PTK2: variants seen among roughly 807,000 people sequenced by gnomAD.
The protein encoded by PTK2 is focal adhesion kinase 1.
A neutral mutation model predicts 150.1 loss-of-function variants in PTK2; 45 were observed. That is an observed-to-expected ratio of 0.30 (90% CI 0.24 to 0.38). The LOEUF (loss-of-function observed/expected upper bound fraction) is 0.38, where lower values mean the gene tolerates loss of function less well. PTK2 is among the 10% of genes least tolerant of loss of function. The probability of loss-of-function intolerance (pLI) is 1.00; values close to 1 mark genes in which losing one functional copy is unlikely to be tolerated. For missense variants in PTK2, 919 were observed against 1,307.3 expected (o/e 0.70, Z 4.58); for synonymous variants, 432 against 449.2 (o/e 0.96, Z 0.48).
intron 5 of PTK2, among the ~76,000 whole-genome samples, chr8:140,862,085 GT>G (rs946666441): frequency 2.6e-5 from 4 of 152,168 alleles, no homozygotes; most frequent in African/African-American, 9.7e-5. Flanking sequence ...CAAAGAAAAA[GT>G]AGGACAACCT....
chr8:140,867,812 T>G (rs2100140229), intron 4 of PTK2, among the ~76,000 whole-genome samples: 1 of 152,202 alleles, frequency 6.6e-6, no homozygotes, highest in African/African-American at 2.4e-5. Context: ...CACACAAAAC[T>G]CTACTGAAAC....
chr8:140,743,778 T>C (rs1227872588), intron 19 of PTK2, among the ~76,000 whole-genome samples: 2 of 151,306 alleles, frequency 1.3e-5, no homozygotes, highest in African/African-American at 2.4e-5. Context: ...AGTTTTTCTT[T>C]TCTTTTTTTT....
intron 14 of PTK2, among the ~76,000 whole-genome samples, chr8:140,773,767 T>C (rs916139337): frequency 2.6e-5 from 4 of 152,178 alleles, no homozygotes; most frequent in African/African-American, 9.7e-5. Flanking sequence ...ATTCAGAATA[T>C]TGTTTCCTTT....
intron 22 of PTK2, among the ~76,000 whole-genome samples, chr8:140,723,555 A>G (rs1345289506): frequency 6.6e-6 from 1 of 152,254 alleles, no homozygotes; most frequent in Non-Finnish European, 1.5e-5. Context: ...AACAAACTAG[A>G]ATGTGCAGAG....
intron 2 of PTK2, among the ~76,000 whole-genome samples, chr8:140,905,135 C>G (rs539433433): frequency 6.6e-6 from 1 of 152,088 alleles, no homozygotes; most frequent in Non-Finnish European, 1.5e-5. Context: ...ACATTTAGTG[C>G]TATAAATTTC....
chr8:140,688,343 A>T (rs1002820070), intron 26 of PTK2, among the ~76,000 whole-genome samples: 1 of 152,130 alleles, frequency 6.6e-6, no homozygotes, highest in Non-Finnish European at 1.5e-5. Flanking sequence ...GCTACTATAT[A>T]AAAAAACATG....
chr8:140,743,588 T>C (rs370592872), intron 19 of PTK2, among the ~76,000 whole-genome samples: 28 of 152,220 alleles, frequency 1.8e-4, no homozygotes, highest in African/African-American at 6.5e-4. Flanking sequence ...AAGTACATTC[T>C]AAAATAATGA....
At chr8:140,805,606 A>AC (rs1438529843) in intron 10 of PTK2, among the ~76,000 whole-genome samples, 1 of 138,734 alleles carries the variant, frequency 7.2e-6, no homozygotes, top group Non-Finnish European at 1.5e-5. Flanking sequence ...TTCCTGAGCC[A>AC]AAAAAAAAAG....
At chr8:140,745,545 T>A (rs943358152) in intron 18 of PTK2, among the ~76,000 whole-genome samples, 1 of 152,212 alleles carries the variant, frequency 6.6e-6, no homozygotes, top group African/African-American at 2.4e-5. Context: ...GTTCAGCTGA[T>A]GAAATCACAC....
In PTK2 at chr8:140,663,033, C is replaced by A. The variant is rs563083394; in HGVS notation, c.2946+1884G>T. 1.4e-5 allele frequency: 5 copies of A among 344,898 alleles called. No individual in the cohort carries two copies. The South Asian group carries it at 6.5e-4, about 45-fold the overall frequency. The allele number at this position is 344,898 out of a possible 1,614,324, so 21.4% of individuals were successfully genotyped here. A position where few individuals can be genotyped will look rare whatever the true frequency, so the allele number is the denominator to read the frequency against. On this transcript the variant is annotated intron_variant, in intron 31 of 31. Coordinates refer to ENST00000522684, the Ensembl canonical transcript of PTK2. Reference sequence around the variant, plus strand: ...AGGCGACGGAAAAGTGCTACAGAGACAACCGACGACCCTGGAACGTGCCCT... The same window carrying A: ...AGGCGACGGAAAAGTGCTACAGAGAAAACCGACGACCCTGGAACGTGCCCT...
intron 10 of PTK2, among the ~76,000 whole-genome samples, chr8:140,817,127 A>C (rs1205666961): frequency 6.6e-6 from 1 of 152,224 alleles, no homozygotes; most frequent in Non-Finnish European, 1.5e-5. Flanking sequence ...TACCAGGTTC[A>C]CAGAGTGAAA....
At chr8:140,681,548 G>C (rs545987316) in intron 27 of PTK2, among the ~76,000 whole-genome samples, 51 of 138,730 alleles carry the variant, frequency 3.7e-4, no homozygotes, top group African/African-American at 1.4e-3. Context: ...GAGGCGGGCA[G>C]GGGGGGATCA....
chr8:140,982,902 T>A (rs781562961), intron 1 of PTK2, among the ~76,000 whole-genome samples: 1 of 152,206 alleles, frequency 6.6e-6, no homozygotes, highest in Non-Finnish European at 1.5e-5. Context: ...ATTGTTTCTG[T>A]ATATGTTTGA....
In PTK2 at chr8:140,915,386, G is replaced by A. The variant is rs541612347; in HGVS notation, c.-33+10275C>T. ...GAGACCAGACCAGATGACACAGCAA[G>A]ACCAAGCCACATACATACATAGGTA... On this transcript the variant is annotated intron_variant, in intron 2 of 31. Transcript: ENST00000522684. Among the ~76,000 whole-genome samples, 11 of 152,172 alleles carry A rather than the reference G, an allele frequency of 7.2e-5. 1 individual carries two copies. In the South Asian group the frequency reaches 2.3e-3, roughly 32 times the overall value.
chr8:141,000,489 C>T (rs895779956), intron 1 of PTK2, among the ~76,000 whole-genome samples: 3 of 152,194 alleles, frequency 2.0e-5, no homozygotes, highest in African/African-American at 7.2e-5. Context: ...GCCGACGTCC[C>T]TGCGATTTCC....
chr8:140,825,881 A>G (rs2100111476), intron 8 of PTK2, among the ~76,000 whole-genome samples: 1 of 152,356 alleles, frequency 6.6e-6, no homozygotes, highest in Non-Finnish European at 1.5e-5. Flanking sequence ...GGTACAGTGA[A>G]TTTTTAAATG....
rs190244086 is a variant in PTK2, at chr8:140,967,872, A to G, written c.-122+33253T>C. 1.8e-4 allele frequency among the ~76,000 whole-genome samples: 28 copies of G among 152,320 alleles called. No individual in the cohort carries two copies. The East Asian group carries it at 5.2e-3, about 28-fold the overall frequency. Reference sequence around the variant, plus strand: ...TTTTCCCTTCTTCTAAACTCAGTCTATCAATAGTTCCTGCACTTAACACAA... The same window carrying G: ...TTTTCCCTTCTTCTAAACTCAGTCTGTCAATAGTTCCTGCACTTAACACAA... On this transcript the variant is annotated intron_variant, in intron 1 of 31. Transcript: ENST00000522684.
intron 26 of PTK2, chr8:140,686,911 G>A: frequency 1.8e-6 from 1 of 546,204 alleles, no homozygotes; most frequent in Admixed American, 3.2e-5. Flanking sequence ...CTTACAGACT[G>A]GTACCTGCAC....
chr8:140,880,541 G>A (rs536281457), intron 3 of PTK2, among the ~76,000 whole-genome samples: 22 of 152,090 alleles, frequency 1.4e-4, no homozygotes, highest in Non-Finnish European at 3.2e-4. Flanking sequence ...CAATCTTTTA[G>A]GTGATAAGAC....
Sources: allele counts gnomAD v4.1 joint callset (sites outside exome capture counted in the v4.1 genomes callset), GRCh38; gene constraint gnomAD v4.1.1; transcripts MANE v1.5; gene names NCBI Gene and HGNC (gene_info 2026-07-23, HGNC 2026-07-21).